ZC3H13: variants seen among roughly 807,000 people sequenced by gnomAD.
ZC3H13 encodes the protein zinc finger CCCH-type containing 13.
Under a neutral mutation model 204.1 loss-of-function variants are expected in ZC3H13, and 64 were observed. The observed-to-expected ratio is 0.31, with a 90% confidence interval of 0.26 to 0.39. The LOEUF (loss-of-function observed/expected upper bound fraction) is 0.39, where lower values mean the gene tolerates loss of function less well. Ranked by LOEUF, ZC3H13 falls within the 10% of genes least tolerant of loss-of-function variation. The pLI, the probability that ZC3H13 is intolerant of heterozygous loss-of-function variation, is 1.00. For missense variants in ZC3H13, 1,833 were observed against 2,082.7 expected, an observed-to-expected ratio of 0.88 and a Z score of 2.33; for synonymous variants, 667 against 693.7, an observed-to-expected ratio of 0.96 and a Z score of 0.60.
Position 45,955,788 on chromosome 13 carries a change from T to TA in ZC3H13, c.*1338dup, listed in dbSNP as rs1241960302. ...ACATGCTTTCAAAGTCATTTGAAAG[T>TA]AAGACCATTTCCTTTGGCAGGTATC... On this transcript the variant is annotated 3_prime_UTR_variant, in exon 19 of 19. Coordinates refer to ENST00000679008, the MANE Select transcript of ZC3H13 (RefSeq NM_001330564.2). The TA allele has an allele frequency of 6.6e-6, 1 of 152,174 alleles. No homozygotes were observed. The highest frequency in any genetic ancestry group is 2.4e-5 in the African/African-American group (1 of 41,454). 9.4% of individuals were successfully genotyped at this position (152,174 alleles called of 1,614,324 possible).
At chr13:46,004,988 T>C (rs1200305655) in intron 7 of ZC3H13, among the ~76,000 whole-genome samples, 1 of 152,210 alleles carries the variant, frequency 6.6e-6, no homozygotes, top group Admixed American at 6.5e-5. Context: ...AATAGTTTAA[T>C]TGAATATAGC....
intron 10 of ZC3H13, among the ~76,000 whole-genome samples, chr13:45,982,467 T>G (rs1953727477): frequency 6.6e-6 from 1 of 152,004 alleles, no homozygotes; most frequent in African/African-American, 2.4e-5. Context: ...ATGAGGAGAT[T>G]TAATCTGTCT....
rs534413179 is a variant in ZC3H13 at position 45,982,379 on chromosome 13, T to C, written c.1721-2375A>G. ...AAGAAAAAATTGGTAAACTAGAAGG[T>C]AAGCCTGAGAATATGACCTAGAGGC... is the stretch of plus-strand genomic sequence containing the variant. On this transcript the variant is annotated intron_variant, in intron 10 of 18. Transcript: ENST00000679008. Among the ~76,000 whole-genome samples the C allele has an allele frequency of 2.0e-5, 3 of 152,184 alleles. No individual in the cohort carries two copies. In the South Asian group the frequency reaches 6.2e-4, roughly 32 times the overall value.
At position 45,991,773 on chromosome 13, in the gene ZC3H13, G is replaced by T. The variant is rs1468614465; in HGVS notation, c.945-2676C>A. 3.3e-5 allele frequency among the ~76,000 whole-genome samples: 5 copies of T among 152,142 alleles called. No homozygotes were observed. The East Asian group carries it at 7.7e-4, about 23-fold the overall frequency. ...AGCACTGTGATTTATTGTATCCAGG[G>T]AAAGTTGATCTTTGGTCTGACTAGA... On this transcript the variant is annotated intron_variant, in intron 8 of 18. Coordinates refer to ENST00000679008, the MANE Select transcript of ZC3H13 (RefSeq NM_001330564.2).
At chr13:46,044,888 T>G in intron 3 of ZC3H13, 67 bp downstream of exon 3, 2 of 1,173,460 alleles carry the variant, frequency 1.7e-6, no homozygotes, top group Non-Finnish European at 2.3e-6. Flanking sequence ...TTTCAGATTT[T>G]TATACTAGAT....
intron 4 of ZC3H13, among the ~76,000 whole-genome samples, chr13:46,035,919 T>C (rs552433639): frequency 6.6e-6 from 1 of 152,284 alleles, no homozygotes; most frequent in South Asian, 2.1e-4. Context: ...AGCTACAGTA[T>C]TATCCCTTCC....
At chr13:45,966,884 G>C (rs1297692164) in intron 15 of ZC3H13, among the ~76,000 whole-genome samples, 1 of 152,188 alleles carries the variant, frequency 6.6e-6, no homozygotes, top group East Asian at 1.9e-4. Flanking sequence ...AAGAAGGGCA[G>C]AGAATGGAAA....
chr13:46,022,948 T>C (rs2042307364), intron 4 of ZC3H13, among the ~76,000 whole-genome samples: 1 of 152,166 alleles, frequency 6.6e-6, no homozygotes, highest in Non-Finnish European at 1.5e-5. Context: ...AGAAATGTAA[T>C]ACATGATTTT....
chr13:45,983,605 T>C (rs1953902193), intron 10 of ZC3H13, among the ~76,000 whole-genome samples: 2 of 149,428 alleles, frequency 1.3e-5, no homozygotes, highest in African/African-American at 5.0e-5. Flanking sequence ...TTTTTTGTAT[T>C]TTTAGTAGAG....
At chr13:45,957,612 A>G (rs1470812595) in intron 18 of ZC3H13, among the ~76,000 whole-genome samples, 1 of 152,186 alleles carries the variant, frequency 6.6e-6, no homozygotes, top group Non-Finnish European at 1.5e-5. Context: ...AACACACTGC[A>G]CGTTCTGTTG....
rs151337583 is a variant in ZC3H13, at chr13:45,969,863, C to T, written c.2681G>A (p.Arg894His). ...DRQGRWKEED[R>H]KPERKESSRR... is the part of the protein sequence containing the mutation. Reference sequence around the variant, plus strand: ...TGAACTCTCTTTCCTTTCTGGTTTACGATCCTCCTCTTTCCATCTACCCTG... The same window carrying T: ...TGAACTCTCTTTCCTTTCTGGTTTATGATCCTCCTCTTTCCATCTACCCTG... The change falls in exon 14 of 19, where the codon CGT becomes CAT. Residue 894 changes from arginine (R) to histidine (H), a missense_variant. This residue lies in a region of ZC3H13 where 1,574 missense variants were observed against 1,757.2 expected (regional missense o/e 0.90). Transcript: ENST00000679008. 219 of 1,613,716 alleles carry T rather than the reference C, an allele frequency of 1.4e-4. No individual in the cohort carries two copies. Among genetic ancestry groups the T allele is most frequent in the South Asian group, 2.2e-4 (20 of 91,078 alleles).
At chr13:45,997,203 G>A (rs1433988198) in intron 8 of ZC3H13, among the ~76,000 whole-genome samples, 1 of 152,120 alleles carries the variant, frequency 6.6e-6, no homozygotes, top group African/African-American at 2.4e-5. Flanking sequence ...TCATTTAAGG[G>A]CCGAAGTCTC....
In ZC3H13 at chr13:46,044,570, G is replaced by A. The variant is rs1037029028; in HGVS notation, c.227+385C>T. 7.2e-5 allele frequency among the ~76,000 whole-genome samples: 11 copies of A among 152,086 alleles called. No homozygotes were observed. The East Asian group carries it at 2.1e-3, about 29-fold the overall frequency. ...ATTTGAATTCAGAACATCTTAAACA[G>A]CTAAAATTATACCCTATTTGAATTT... is the stretch of plus-strand genomic sequence containing the variant. On this transcript the variant is annotated intron_variant, in intron 3 of 18. Coordinates refer to ENST00000679008, the MANE Select transcript of ZC3H13 (RefSeq NM_001330564.2).
intron 11 of ZC3H13, chr13:45,976,290 C>A (rs1219731261): frequency 1.0e-6 from 1 of 984,588 alleles, no homozygotes; most frequent in Non-Finnish European, 1.2e-6. Flanking sequence ...AAATTTCCCT[C>A]GTAAGTCACA....
At chr13:45,974,806 T>C (rs1952879936) in intron 12 of ZC3H13, among the ~76,000 whole-genome samples, 1 of 152,188 alleles carries the variant, frequency 6.6e-6, no homozygotes, top group Non-Finnish European at 1.5e-5. Context: ...ACAAGTTCAC[T>C]GATTCCTGTC....
At chr13:46,023,386 T>G (rs545127953) in intron 4 of ZC3H13, among the ~76,000 whole-genome samples, 1 of 152,334 alleles carries the variant, frequency 6.6e-6, no homozygotes, top group Non-Finnish European at 1.5e-5. Flanking sequence ...CAATTTCTAC[T>G]GATTGGGAAT....
intron 7 of ZC3H13, among the ~76,000 whole-genome samples, chr13:46,006,613 T>C (rs2138581279): frequency 6.8e-6 from 1 of 147,898 alleles, no homozygotes; most frequent in African/African-American, 2.5e-5. Flanking sequence ...AATCTCACTA[T>C]CTACTGATAT....
At chr13:46,019,570 C>T (rs1380536771) in intron 5 of ZC3H13, among the ~76,000 whole-genome samples, 2 of 152,084 alleles carry the variant, frequency 1.3e-5, no homozygotes, top group Non-Finnish European at 2.9e-5. Context: ...AATACAAGTT[C>T]TCTTTCTCTG....
At chr13:45,959,354 A>T in intron 18 of ZC3H13, 129 bp downstream of exon 18, 1 of 844,612 alleles carries the variant, frequency 1.2e-6, no homozygotes, top group Non-Finnish European at 1.7e-6. Context: ...TCTTCTTTTT[A>T]CATGTATAAA....
Sources: gnomAD v4.1 joint callset for allele counts (sites outside exome capture counted in the v4.1 genomes callset) on GRCh38, gnomAD v4.1.1 for gene constraint, gnomAD v4.1.1 regional missense constraint, MANE v1.5 for transcripts, NCBI Gene and HGNC (gene_info 2026-07-23, HGNC 2026-07-21) for gene names.